The following LUZP4 variants were observed in gnomAD, a reference collection of about 807,000 sequenced individuals.
LUZP4 encodes HOM-TES-85 tumor antigen.
In LUZP4, 11 loss-of-function variants were observed where a neutral mutation model predicts 8.5. The observed-to-expected ratio is 1.30, with a 90% CI of 0.82 to 2.14. The LOEUF is 2.14. Ranked by LOEUF, LUZP4 falls within the 30% of genes most tolerant of loss-of-function variation. The pLI, the probability that LUZP4 is intolerant of heterozygous loss-of-function variation, is 0.00. For missense variants in LUZP4, 276 were observed against 229.7 expected, an observed-to-expected ratio of 1.20 and a Z score of -1.30; for synonymous variants, 104 against 79.4, an observed-to-expected ratio of 1.31 and a Z score of -1.65.
intron 3 of LUZP4, among the ~76,000 whole-genome samples, chrX:115,305,082 A>G (rs1181454118): frequency 2.7e-5 from 3 of 111,941 alleles, no homozygotes; most frequent in Non-Finnish European, 5.6e-5. Flanking sequence ...CATTTCTTAT[A>G]TACTTATTTC....
At chrX:115,299,112 G>C (rs1326247959) in intron 1 of LUZP4, among the ~76,000 whole-genome samples, 1 of 111,548 alleles carries the variant, frequency 9.0e-6, no homozygotes, top group Non-Finnish European at 1.9e-5. Context: ...ACCAGGCAGA[G>C]ACTCTTGTTC....
chrX:115,296,074 A>AT (rs1383888151), intron 1 of LUZP4, among the ~76,000 whole-genome samples: 1 of 111,901 alleles, frequency 8.9e-6, no homozygotes, highest in Non-Finnish European at 1.9e-5. Flanking sequence ...AGTCACTTAC[A>AT]TTTTTTGAGG....
intron 1 of LUZP4, among the ~76,000 whole-genome samples, chrX:115,290,959 TTTTTGTTTTG>T (rs782042790): frequency 3.6e-5 from 4 of 110,969 alleles, no homozygotes; most frequent in South Asian, 7.8e-4. Flanking sequence ...GGTTTTTGTT[TTTTTGTTTTG>T]TTTTGTTTTG....
chrX:115,303,333 G>C lies in LUZP4; in HGVS notation c.257G>C (p.Gly86Ala). 1.7e-6 allele frequency: 2 copies of C among 1,196,457 alleles called. No individual in the cohort carries two copies. ...YSRCRSNSEE[G>A]NHDKKPSQKP... Reference sequence around the variant, plus strand: ...AGATGCAGAAGCAACTCTGAGGAAGGAAATCATGATAAAAAACCATCCCAA... The same window carrying C: ...AGATGCAGAAGCAACTCTGAGGAAGCAAATCATGATAAAAAACCATCCCAA... Residue 86 changes from glycine to alanine, a missense_variant, in exon 3 of 4, where the codon GGA becomes GCA. Coordinates refer to ENST00000371920, the MANE Select transcript of LUZP4 (RefSeq NM_016383.5).
Position 115,298,481 on chromosome X carries a change from T to C in LUZP4, c.92-3511T>C, listed in dbSNP as rs782290311. On this transcript the variant is annotated intron_variant, in intron 1 of 3. Coordinates refer to ENST00000371920, the MANE Select transcript of LUZP4 (RefSeq NM_016383.5). ...TAGATCCTGTAGGTGTGTTTCATTGTTTGTTTGTTTTTTCTTTTGTCTCCT... is the reference window on the plus strand; with the variant it reads ...TAGATCCTGTAGGTGTGTTTCATTGCTTGTTTGTTTTTTCTTTTGTCTCCT... Among the ~76,000 whole-genome samples, 14 of 112,579 alleles carry C rather than the reference T, an allele frequency of 1.2e-4. No homozygotes were observed. The South Asian group carries it at 5.2e-3, about 42-fold the overall frequency.
chrX:115,306,603 C>G lies in LUZP4; in HGVS notation c.741C>G (p.Ala247=). 8.3e-7 allele frequency: 1 copy of G among 1,209,354 alleles called. No individual in the cohort carries two copies. The highest frequency in any genetic ancestry group is 1.1e-6 in the Non-Finnish European group (1 of 895,141). The change falls in exon 4 of 4, where the codon GCC becomes GCG. Residue 247 remains alanine (A), a synonymous_variant. Transcript: ENST00000371920. ...TGGACACTCAGAGTGATCTCATAGC[C>G]ACTCAGAGAGATCTCATAGCCACTC... is the stretch of plus-strand genomic sequence containing the variant. ...DLVDTQSDLI[A]TQRDLIATQK...
chrX:115,301,926 T>C, intron 1 of LUZP4, 66 bp from the exon 2 acceptor site: 2 of 730,855 alleles, frequency 2.7e-6, no homozygotes, highest in Non-Finnish European at 3.9e-6. Context: ...AAGATATAGA[T>C]TATTCACTCG....
At chrX:115,291,215 T>G (rs2073347766) in intron 1 of LUZP4, among the ~76,000 whole-genome samples, 1 of 111,333 alleles carries the variant, frequency 9.0e-6, no homozygotes, top group Non-Finnish European at 1.9e-5. Flanking sequence ...TCCTACCACC[T>G]CAGCCTCTCG....
chrX:115,306,209 A>G lies in LUZP4; in HGVS notation c.347A>G (p.Lys116Arg). The G allele has an allele frequency of 6.6e-6, 8 of 1,205,386 alleles. No homozygotes were observed. The highest frequency in any genetic ancestry group is 9.0e-6 in the Non-Finnish European group (8 of 892,218). Residue 116 changes from lysine (K) to arginine (R), a missense_variant, in exon 4 of 4, where the codon AAG (lysine) becomes AGG (arginine). By Grantham distance (26) the Lys-to-Arg change is conservative. Transcript: ENST00000371920. ...AATAATTGGGATCCTTTTCAGGAGA[A>G]GTGCAGTGACAATTATGAGGCCCAA... ...LNGQPLIEQE[K>R]CSDNYEAQAE... is the part of the protein sequence containing the mutation.
chrX:115,306,362 A>G lies in LUZP4; in HGVS notation c.500A>G (p.Glu167Gly). The part of the protein sequence containing the change: ...HHSERSRNHL[E>G]RSLSQSDRSQ... Reference sequence around the variant, plus strand: ...TCTGAGCGATCCCGAAACCACTTAGAGAGATCTCTTTCTCAGTCAGACAGA... The same window carrying G: ...TCTGAGCGATCCCGAAACCACTTAGGGAGATCTCTTTCTCAGTCAGACAGA... Residue 167 changes from glutamate (E) to glycine (G), a missense_variant, in exon 4 of 4, where the codon GAG becomes GGG. Coordinates refer to ENST00000371920, the MANE Select transcript of LUZP4 (RefSeq NM_016383.5). The G allele has an allele frequency of 8.3e-7, 1 of 1,211,387 alleles. No homozygotes were observed. The highest frequency in any genetic ancestry group is 1.1e-6 in the Non-Finnish European group (1 of 895,304).
chrX:115,297,772 C>T (rs1037599492), intron 1 of LUZP4, among the ~76,000 whole-genome samples: 25 of 110,703 alleles, frequency 2.3e-4, no homozygotes, highest in Non-Finnish European at 4.0e-4. Flanking sequence ...CTATAACCTT[C>T]TTGTACTTGG....
chrX:115,291,716 G>A lies in LUZP4; in HGVS notation c.91+1866G>A, dbSNP rs782573007. Among the ~76,000 whole-genome samples the A allele has an allele frequency of 2.5e-3, 281 of 110,323 alleles. 3 individuals are homozygous for A. Among genetic ancestry groups the A allele is most frequent in the African/African-American group, 8.9e-3 (270 of 30,377 alleles). On this transcript the variant is annotated intron_variant, in intron 1 of 3. Transcript: ENST00000371920. ...GTGGGTGGCTCACTTGAGGCCAGGA[G>A]TTCGAGACCAGCCTGGCCAACATGG...
rs782547207 is a variant in LUZP4 at position 115,295,562 on chromosome X, A to G, written c.91+5712A>G. ...TAGATAACTAAACACATGCTTTAGAAAAGCAGTAGTATGTTGGATGCAAGG... is the reference window on the plus strand; with the variant it reads ...TAGATAACTAAACACATGCTTTAGAGAAGCAGTAGTATGTTGGATGCAAGG... On this transcript the variant is annotated intron_variant, in intron 1 of 3. Transcript: ENST00000371920. Among the ~76,000 whole-genome samples the G allele has an allele frequency of 3.6e-5, 4 of 112,363 alleles. No individual in the cohort carries two copies. The South Asian group carries it at 1.5e-3, about 42-fold the overall frequency.
chrX:115,303,419 G>C lies in LUZP4; in HGVS notation c.342+1G>C, dbSNP rs1335322598. 9.7e-7 allele frequency: 1 copy of C among 1,028,311 alleles called. No homozygotes were observed. The allele number at this position is 1,028,311 out of a possible 1,213,427, so 84.7% of individuals were successfully genotyped here. A position where few individuals can be genotyped will look rare whatever the true frequency, so the allele number is the denominator to read the frequency against. On this transcript the variant is annotated splice_donor_variant, in intron 3 of 3. Coordinates refer to ENST00000371920, the MANE Select transcript of LUZP4 (RefSeq NM_016383.5). LOFTEE classifies it high-confidence loss of function. ...AAATGGGCAGCCTTTAATTGAGCAGGTAGATAAGTACCAAGAATTAACCAA... is the reference window on the plus strand; with the variant it reads ...AAATGGGCAGCCTTTAATTGAGCAGCTAGATAAGTACCAAGAATTAACCAA...
chrX:115,295,950 G>A (rs2073368918), intron 1 of LUZP4, among the ~76,000 whole-genome samples: 2 of 112,038 alleles, frequency 1.8e-5, no homozygotes, highest in Non-Finnish European at 1.9e-5. Flanking sequence ...CTCTTCTCAA[G>A]TACCTCCTAA....
Position 115,306,418 on chromosome X carries a change from C to G in LUZP4, c.556C>G (p.Gln186Glu), listed in dbSNP as rs781942736. 1.2e-5 allele frequency: 15 copies of G among 1,209,536 alleles called. No individual in the cohort carries two copies. In the South Asian group the frequency reaches 2.6e-4, roughly 21 times the overall value. The change falls in exon 4 of 4, where the codon CAA becomes GAA. Residue 186 changes from glutamine (Q) to glutamate (E), a missense_variant. Gln to Glu is a conservative substitution (Grantham distance 29). Coordinates refer to ENST00000371920, the MANE Select transcript of LUZP4 (RefSeq NM_016383.5). ...AGGGCAGCTAAAGAGACATCATCCC[C>G]AATATGAGAGATCTCATGGCCAATA... ...SQGQLKRHHPQYERSHGQYKR... is the reference protein window; with the variant it reads ...SQGQLKRHHPEYERSHGQYKR...
At chrX:115,298,296 A>C (rs1381103163) in intron 1 of LUZP4, among the ~76,000 whole-genome samples, 1 of 112,241 alleles carries the variant, frequency 8.9e-6, no homozygotes, top group Admixed American at 9.4e-5. Flanking sequence ...CAAACTCCTG[A>C]CATCAAGTGA....
chrX:115,293,668 G>A (rs1556597864), intron 1 of LUZP4, among the ~76,000 whole-genome samples: 1 of 110,788 alleles, frequency 9.0e-6, no homozygotes, highest in Non-Finnish European at 1.9e-5. Flanking sequence ...AAAATACTGT[G>A]AGGCGGGCGT....
At position 115,306,889 on chromosome X, in the gene LUZP4, T is replaced by A. The variant is rs1313420191; in HGVS notation, c.*85T>A. On this transcript the variant is annotated 3_prime_UTR_variant, in exon 4 of 4. Coordinates refer to ENST00000371920, the MANE Select transcript of LUZP4 (RefSeq NM_016383.5). ...GGCTAAATATGTATTTGTTGAAACA[T>A]GTATATTGGGACAAAGACATAAATA... 4.5e-6 allele frequency: 4 copies of A among 884,760 alleles called. No homozygotes were observed. 72.9% of individuals were successfully genotyped at this position (884,760 alleles called of 1,213,427 possible).
Sources: gnomAD v4.1 joint callset for allele counts (sites outside exome capture counted in the v4.1 genomes callset) on GRCh38, gnomAD v4.1.1 for gene constraint, MANE v1.5 for transcripts, NCBI Gene and HGNC (gene_info 2026-07-23, HGNC 2026-07-21) for gene names.